MFN2: variants seen among roughly 807,000 people sequenced by gnomAD.
The protein encoded by MFN2 is mitofusin-2.
A neutral mutation model predicts 87.5 loss-of-function variants in MFN2; 43 were observed. The ratio of observed to expected loss-of-function variants is 0.49; its 90% confidence interval spans 0.38 to 0.63. The LOEUF (loss-of-function observed/expected upper bound fraction) is 0.63, where lower values mean the gene tolerates loss of function less well. Among genes scored for constraint, MFN2 ranks in the 30% least tolerant of loss-of-function variants. MFN2 has a pLI of 0.00. For missense variants in MFN2, 743 were observed against 972.8 expected, an observed-to-expected ratio of 0.76 and a Z score of 3.14; for synonymous variants, 337 against 359.9, an observed-to-expected ratio of 0.94 and a Z score of 0.72.
At chr1:12,006,736 G>T in intron 16 of MFN2, 43 bp downstream of exon 16, 1 of 1,610,884 alleles carries the variant, frequency 6.2e-7, no homozygotes, top group African/African-American at 1.3e-5. Flanking sequence ...GCGGAGGGCA[G>T]GTGGGCGGGG....
At chr1:11,997,658 A>T (rs1638970297) in intron 6 of MFN2, among the ~76,000 whole-genome samples, 1 of 152,074 alleles carries the variant, frequency 6.6e-6, no homozygotes, top group Admixed American at 6.6e-5. Flanking sequence ...GATAGGAGGG[A>T]TGCTCAAAAG....
intron 6 of MFN2, among the ~76,000 whole-genome samples, chr1:11,998,507 C>T (rs1383537755): frequency 6.6e-6 from 1 of 152,078 alleles, no homozygotes; most frequent in Non-Finnish European, 1.5e-5. Flanking sequence ...GAGATCGTGC[C>T]ATTGCACTCC....
Position 12,007,268 on chromosome 1 carries a change from C to T in MFN2, c.2069+19C>T. The T allele has an allele frequency of 6.2e-7, 1 of 1,612,066 alleles. No individual in the cohort carries two copies. The highest frequency in any genetic ancestry group is 2.2e-5 in the East Asian group (1 of 44,788). ...TCCAGCAGTGAGTGGCCCTGTCGGA[C>T]CCCAGCAGGGGACTTCCTTTAGGCA... is the stretch of plus-strand genomic sequence containing the variant. On this transcript the variant is annotated intron_variant, in intron 17 of 18. Coordinates refer to ENST00000235329, the MANE Select transcript of MFN2 (RefSeq NM_014874.4).
intron 1 of MFN2, among the ~76,000 whole-genome samples, chr1:11,981,491 C>T (rs1645983692): frequency 6.6e-6 from 1 of 152,236 alleles, no homozygotes; most frequent in Admixed American, 6.5e-5. Context: ...TCAAAGGGAG[C>T]TAATATTTCA....
intron 17 of MFN2, among the ~76,000 whole-genome samples, chr1:12,008,005 G>A (rs1010379602): frequency 3.9e-5 from 6 of 152,206 alleles, no homozygotes; most frequent in East Asian, 1.9e-4. Context: ...ACCTTGCACC[G>A]CCCTTAATCC....
At chr1:11,997,747 G>A (rs1451224778) in intron 6 of MFN2, among the ~76,000 whole-genome samples, 1 of 152,080 alleles carries the variant, frequency 6.6e-6, no homozygotes, top group Admixed American at 6.6e-5. Flanking sequence ...AGTCAGAGGT[G>A]TATTTTATTT....
chr1:12,004,551 C>T lies in MFN2; in HGVS notation c.1330C>T (p.Leu444=), dbSNP rs1639318979. Residue 444 remains leucine (L), a synonymous_variant, in exon 13 of 19, where the codon CTG becomes TTG. Transcript: ENST00000235329. The surrounding 1 kb of genome is among the most constrained non-coding windows in gnomAD (Gnocchi z 4.2). ...MAEEIRRLSV[L]VDDYQMDFHP... The stretch of plus-strand genomic sequence containing the variant: ...CGAGGAGATCAGGCGCCTCTCTGTA[C>T]TGGTGGACGATTACCAGATGGACTT... 1.9e-6 allele frequency: 3 copies of T among 1,614,196 alleles called. No homozygotes were observed. Among genetic ancestry groups the T allele is most frequent in the Non-Finnish European group, 2.5e-6 (3 of 1,180,038 alleles).
At chr1:11,982,325 C>G (rs1368967915) in intron 2 of MFN2, among the ~76,000 whole-genome samples, 2 of 152,150 alleles carry the variant, frequency 1.3e-5, no homozygotes, top group African/African-American at 4.8e-5. Context: ...GTTGACAGTT[C>G]AGAAGTGGCT....
intron 4 of MFN2, among the ~76,000 whole-genome samples, chr1:11,995,416 T>C (rs1638868210): frequency 6.6e-6 from 1 of 152,178 alleles, no homozygotes; most frequent in Non-Finnish European, 1.5e-5. Flanking sequence ...GCAAATCACC[T>C]GAGGTCAGGA....
At chr1:12,010,501 G>C (rs1639647319) in intron 18 of MFN2, among the ~76,000 whole-genome samples, 1 of 152,162 alleles carries the variant, frequency 6.6e-6, no homozygotes. Flanking sequence ...GCCACTCTTT[G>C]GACCCATGAA....
At chr1:11,997,650 TAGG>T (rs1638969977) in intron 6 of MFN2, among the ~76,000 whole-genome samples, 1 of 152,098 alleles carries the variant, frequency 6.6e-6, no homozygotes, top group African/African-American at 2.4e-5. Context: ...CTGTAAAAGA[TAGG>T]AGGGATGCTC....
At position 12,004,690 on chromosome 1, in the gene MFN2, C is replaced by G; in HGVS notation, c.1392+77C>G. Reference sequence around the variant, plus strand: ...CAACCCCTGTTGGTCTGGGTCAGGGCCCCCCAGCAGTGACAGTAGAAGCCA... The same window carrying G: ...CAACCCCTGTTGGTCTGGGTCAGGGGCCCCCAGCAGTGACAGTAGAAGCCA... On this transcript the variant is annotated intron_variant, in intron 13 of 18. Transcript: ENST00000235329. This position sits in a 1 kb window ranked among gnomAD's most constrained non-coding sequence, Gnocchi z 4.2. The G allele has an allele frequency of 6.6e-7, 1 of 1,515,968 alleles. No homozygotes were observed. The highest frequency in any genetic ancestry group is 9.2e-7 in the Non-Finnish European group (1 of 1,092,032). The allele number at this position is 1,515,968 out of a possible 1,614,324, so 93.9% of individuals were successfully genotyped here.
intron 2 of MFN2, among the ~76,000 whole-genome samples, chr1:11,984,768 G>C (rs1490183526): frequency 6.6e-6 from 1 of 152,226 alleles, no homozygotes; most frequent in East Asian, 1.9e-4. Flanking sequence ...AGAGTTCAGG[G>C]AGCTTGTGGA....
At chr1:11,988,578 C>T (rs1394581469) in intron 2 of MFN2, among the ~76,000 whole-genome samples, 1 of 151,960 alleles carries the variant, frequency 6.6e-6, no homozygotes, top group Non-Finnish European at 1.5e-5. Context: ...GCTCTGTCTC[C>T]CAGGCTAGAG....
chr1:11,994,042 G>T (rs1638807687), intron 4 of MFN2, among the ~76,000 whole-genome samples: 1 of 152,168 alleles, frequency 6.6e-6, no homozygotes, highest in South Asian at 2.1e-4. Context: ...CATTGAGATT[G>T]AGTATTCCAC....
chr1:11,993,265 T>G (rs1350583081), intron 4 of MFN2, among the ~76,000 whole-genome samples: 1 of 151,646 alleles, frequency 6.6e-6, no homozygotes, highest in East Asian at 2.0e-4. Context: ...CATAAAACTT[T>G]TATTCCACTT....
chr1:11,996,032 A>G, intron 4 of MFN2, 124 bp from the exon 5 acceptor site: 2 of 1,216,556 alleles, frequency 1.6e-6, no homozygotes. Flanking sequence ...GTCTCTCAGC[A>G]CTGTCTGGGC....
rs774246785 is a variant in MFN2, at chr1:12,013,405, C to T, written c.*1840C>T. 1 of 470,908 alleles carries T rather than the reference C, an allele frequency of 2.1e-6. No homozygotes were observed. The highest frequency in any genetic ancestry group is 4.4e-6 in the Non-Finnish European group (1 of 226,924). The allele number at this position is 470,908 out of a possible 1,614,324, so 29.2% of individuals were successfully genotyped here. On this transcript the variant is annotated 3_prime_UTR_variant, in exon 19 of 19. Transcript: ENST00000235329. The stretch of plus-strand genomic sequence containing the variant: ...TGCTGGAGCGCAAGACGTGCTGACA[C>T]AGTGAGTTTTCTCTGATGTATTTAA...
intron 3 of MFN2, among the ~76,000 whole-genome samples, chr1:11,989,665 A>G (rs1394537709): frequency 6.6e-6 from 1 of 152,176 alleles, no homozygotes; most frequent in Non-Finnish European, 1.5e-5. Flanking sequence ...TAAGTAATAG[A>G]TCAGGGTTTT....
Sources: allele counts gnomAD v4.1 joint callset (sites outside exome capture counted in the v4.1 genomes callset), GRCh38; gene constraint gnomAD v4.1.1; non-coding constraint Gnocchi (gnomAD v3.1); transcripts MANE v1.5; gene names NCBI Gene and HGNC (gene_info 2026-07-23, HGNC 2026-07-21).